FOCAD: variants seen among roughly 807,000 people sequenced by gnomAD.
The protein encoded by FOCAD is KIAA1797.
In FOCAD, 198 loss-of-function variants were observed where a neutral mutation model predicts 225.6. That is an observed-to-expected ratio of 0.88 (90% CI 0.78 to 0.99). The LOEUF is 0.99. FOCAD is among the 50% of genes least tolerant of loss of function. The probability of loss-of-function intolerance (pLI) is 0.00; values close to 1 mark genes in which losing one functional copy is unlikely to be tolerated. For missense variants in FOCAD, 2,713 were observed against 2,123.6 expected, an observed-to-expected ratio of 1.28 and a Z score of -5.46; for synonymous variants, 897 against 755.0, an observed-to-expected ratio of 1.19 and a Z score of -3.08.
intron 21 of FOCAD, among the ~76,000 whole-genome samples, chr9:20,894,773 A>G (rs1831931395): frequency 1.3e-5 from 2 of 152,160 alleles, no homozygotes; most frequent in Non-Finnish European, 2.9e-5. Flanking sequence ...CTTAGAGTCT[A>G]TGGCTTATCT....
intron 5 of FOCAD, among the ~76,000 whole-genome samples, chr9:20,749,616 A>T (rs1273832491): frequency 6.6e-6 from 1 of 152,192 alleles, no homozygotes; most frequent in African/African-American, 2.4e-5. Context: ...TATTTGATGT[A>T]GTAAGTGCTA....
intron 11 of FOCAD, among the ~76,000 whole-genome samples, chr9:20,808,233 C>A (rs1822674533): frequency 6.6e-6 from 1 of 152,142 alleles, no homozygotes; most frequent in Non-Finnish European, 1.5e-5. Context: ...GCAGAAGTAG[C>A]CAGCCTCAAT....
intron 1 of FOCAD, among the ~76,000 whole-genome samples, chr9:20,703,289 TGA>T (rs938318192): frequency 5.9e-5 from 9 of 151,770 alleles, no homozygotes; most frequent in Non-Finnish European, 1.0e-4. Flanking sequence ...CTGAGGGGCC[TGA>T]GAGTTCTAGA....
chr9:20,793,435 G>T (rs549788052), intron 11 of FOCAD, among the ~76,000 whole-genome samples: 14 of 152,180 alleles, frequency 9.2e-5, no homozygotes, highest in Admixed American at 3.9e-4. Context: ...AAGTAGTTCT[G>T]TGTTAATTTC....
intron 1 of FOCAD, among the ~76,000 whole-genome samples, chr9:20,692,314 A>G (rs907540492): frequency 1.3e-5 from 2 of 152,000 alleles, no homozygotes; most frequent in African/African-American, 4.8e-5. Context: ...TTATCTCACA[A>G]TCTATATATA....
chr9:20,816,774 A>C (rs553208879), intron 11 of FOCAD, among the ~76,000 whole-genome samples: 1 of 152,286 alleles, frequency 6.6e-6, no homozygotes, highest in Admixed American at 6.5e-5. Context: ...AGCTGCAGAC[A>C]GAGCATATTT....
At chr9:20,664,122 A>C (rs1177600031) in intron 2 of FOCAD, among the ~76,000 whole-genome samples, 3 of 152,014 alleles carry the variant, frequency 2.0e-5, no homozygotes, top group Non-Finnish European at 2.9e-5. Context: ...TTTCTCCTCA[A>C]GATTCTGCAG....
chr9:20,920,624 T>G (rs1273586976), intron 24 of FOCAD, among the ~76,000 whole-genome samples: 5 of 148,192 alleles, frequency 3.4e-5, no homozygotes, highest in Admixed American at 2.7e-4. Flanking sequence ...CATGGAATAC[T>G]ATGCAGCCAT....
intron 21 of FOCAD, among the ~76,000 whole-genome samples, chr9:20,891,772 C>G (rs1002018786): frequency 6.6e-6 from 1 of 152,162 alleles, no homozygotes; most frequent in African/African-American, 2.4e-5. Context: ...AGCAAGTTAT[C>G]CAGAAGATCT....
chr9:20,680,441 C>T (rs949633079), upstream of FOCAD, among the ~76,000 whole-genome samples: 8 of 152,106 alleles, frequency 5.3e-5, no homozygotes, highest in South Asian at 1.0e-3. Context: ...GCCTGTAGTC[C>T]CAGCTACTTG....
chr9:20,895,135 A>G (rs1831967854), intron 21 of FOCAD, among the ~76,000 whole-genome samples: 1 of 152,002 alleles, frequency 6.6e-6, no homozygotes, highest in African/African-American at 2.4e-5. Context: ...CTACATTTAT[A>G]TACGTCTGTT....
chr9:20,894,445 A>G (rs889097070), intron 21 of FOCAD, among the ~76,000 whole-genome samples: 2 of 152,090 alleles, frequency 1.3e-5, no homozygotes, highest in Non-Finnish European at 2.9e-5. Context: ...TTGGTAAAAA[A>G]TGGCCAAAAC....
intron 9 of FOCAD, among the ~76,000 whole-genome samples, 196 bp downstream of exon 9, chr9:20,778,964 A>T (rs1242501398): frequency 2.0e-5 from 3 of 152,214 alleles, no homozygotes; most frequent in Non-Finnish European, 2.9e-5. Context: ...TAATTTACCA[A>T]GTATCTCGGC....
chr9:20,795,847 T>G (rs1433094810), intron 11 of FOCAD, among the ~76,000 whole-genome samples: 20 of 151,626 alleles, frequency 1.3e-4, no homozygotes, highest in Non-Finnish European at 1.5e-4. Flanking sequence ...TTATTTTTTG[T>G]TATACTTTAA....
intron 10 of FOCAD, among the ~76,000 whole-genome samples, chr9:20,786,645 A>C (rs1030852343): frequency 6.6e-6 from 1 of 152,230 alleles, no homozygotes; most frequent in African/African-American, 2.4e-5. Context: ...CAGTTAATGA[A>C]AATCAATATT....
intron 15 of FOCAD, among the ~76,000 whole-genome samples, chr9:20,853,005 T>A (rs943854233): frequency 6.6e-6 from 1 of 151,752 alleles, no homozygotes; most frequent in African/African-American, 2.4e-5. Context: ...AAAAATTTCC[T>A]CTGATTATTG....
At chr9:20,897,871 C>A (rs1832229522) in intron 21 of FOCAD, among the ~76,000 whole-genome samples, 1 of 151,770 alleles carries the variant, frequency 6.6e-6, no homozygotes, top group Admixed American at 6.6e-5. Context: ...CTTCTGATCT[C>A]TATAATTTGC....
chr9:20,866,262 T>C (rs1039806337), intron 17 of FOCAD, among the ~76,000 whole-genome samples: 1 of 106,134 alleles, frequency 9.4e-6, no homozygotes, highest in African/African-American at 2.6e-5. Flanking sequence ...CTTTCCCCTT[T>C]CCTGCTTTGC....
In FOCAD at chr9:20,940,030, T is replaced by A. The variant is rs968956062; in HGVS notation, c.3408-4597T>A. Among the ~76,000 whole-genome samples, 5 of 151,850 alleles carry A rather than the reference T, an allele frequency of 3.3e-5. No individual in the cohort carries two copies. The East Asian group carries it at 9.7e-4, about 29-fold the overall frequency. On this transcript the variant is annotated intron_variant, in intron 28 of 43. Transcript: ENST00000338382. ...GTGTTCTCATTGTTCAATTCCCACC[T>A]ATGACTGAGAACATGCTGCGTTTGG... is the stretch of plus-strand genomic sequence containing the variant.
Sources: allele counts gnomAD v4.1 joint callset (sites outside exome capture counted in the v4.1 genomes callset), GRCh38; gene constraint gnomAD v4.1.1; transcripts MANE v1.5; gene names NCBI Gene and HGNC (gene_info 2026-07-23, HGNC 2026-07-21).